Variants in CELF4 observed in about 807,000 individuals in gnomAD.
CELF4 encodes CUG-BP- and ETR-3-like factor 4.
A neutral mutation model predicts 59.9 loss-of-function variants in CELF4; 18 were observed. That is an observed-to-expected ratio of 0.30 (90% CI 0.21 to 0.45). The LOEUF is 0.45. Ranked by LOEUF, CELF4 falls within the 20% of genes least tolerant of loss-of-function variation. CELF4 has a pLI of 1.00. For missense variants in CELF4, 456 were observed against 689.0 expected (o/e 0.66, Z 3.79); for synonymous variants, 261 against 267.1 (o/e 0.98, Z 0.22).
At chr18:37,323,216 C>T (rs78533340) in intron 2 of CELF4, among the ~76,000 whole-genome samples, 6,649 of 151,882 alleles carry the variant, frequency 0.044, 497 homozygotes, top group African/African-American at 0.15. Context: ...AGGACGCAGC[C>T]GACAAGGAAG....
At chr18:37,287,468 G>A (rs914005553) in intron 3 of CELF4, among the ~76,000 whole-genome samples, 12 of 152,174 alleles carry the variant, frequency 7.9e-5, no homozygotes, top group African/African-American at 1.9e-4. Flanking sequence ...TTCGGGAGGC[G>A]GGGTGAGGGG....
At chr18:37,421,352 G>C (rs747561866) in intron 2 of CELF4, among the ~76,000 whole-genome samples, 74 of 152,306 alleles carry the variant, frequency 4.9e-4, no homozygotes, top group Non-Finnish European at 9.0e-4. Context: ...GGCTGGCCTG[G>C]CCACAGGGGC....
At chr18:37,456,250 C>T (rs9675529) in intron 2 of CELF4, among the ~76,000 whole-genome samples, 17,322 of 152,110 alleles carry the variant, frequency 0.11, 1,153 homozygotes, top group African/African-American at 0.18. Flanking sequence ...CTTGTTTCCA[C>T]CTCTGTGCCT....
chr18:37,274,883 C>T lies in CELF4; in HGVS notation c.579G>A (p.Gly193=). ...ILRGPDGNSK[G]CAFVKYSSHA... ...GGGAGGAGTACTTCACAAAGGCGCACCCTGCGAGGACGCGAGAGGCCGAGC... is the reference window on the plus strand; with the variant it reads ...GGGAGGAGTACTTCACAAAGGCGCATCCTGCGAGGACGCGAGAGGCCGAGC... Residue 193 remains glycine (G), a splice_region_variant and synonymous_variant, in exon 5 of 13, where the codon GGG becomes GGA. Coordinates refer to ENST00000420428, the MANE Select transcript of CELF4 (RefSeq NM_020180.4). 1 of 1,606,864 alleles carries T rather than the reference C, an allele frequency of 6.2e-7. No homozygotes were observed.
intron 11 of CELF4, among the ~76,000 whole-genome samples, chr18:37,256,369 C>A (rs1420477475): frequency 6.6e-6 from 1 of 152,144 alleles, no homozygotes; most frequent in Admixed American, 6.5e-5. Flanking sequence ...TTCACTTTAA[C>A]ATAGGGCCAC....
At chr18:37,278,032 T>G (rs1238146182) in intron 3 of CELF4, among the ~76,000 whole-genome samples, 1 of 152,244 alleles carries the variant, frequency 6.6e-6, no homozygotes, top group Non-Finnish European at 1.5e-5. Context: ...TCTGATTGCA[T>G]TAAAATTCAT....
intron 2 of CELF4, among the ~76,000 whole-genome samples, chr18:37,456,787 A>G (rs1473921750): frequency 2.6e-5 from 4 of 152,182 alleles, no homozygotes; most frequent in Admixed American, 2.6e-4. Flanking sequence ...TGCCCAGGTG[A>G]GAGGCAAAGA....
rs557617753 is a variant in CELF4, at chr18:37,438,577, T to A, written c.369+46948A>T. On this transcript the variant is annotated intron_variant, in intron 2 of 12. Coordinates refer to ENST00000420428, the MANE Select transcript of CELF4 (RefSeq NM_020180.4). The stretch of plus-strand genomic sequence containing the variant: ...CTGCATCCTAACTTTGGAATAGTGG[T>A]TCAGGGTCATGTTTACCCTGGTGCC... Among the ~76,000 whole-genome samples the A allele has an allele frequency of 2.6e-5, 4 of 152,250 alleles. No homozygotes were observed. In the South Asian group the frequency reaches 8.3e-4, roughly 32 times the overall value.
chr18:37,509,066 G>C (rs1456249707), intron 1 of CELF4, among the ~76,000 whole-genome samples: 6 of 152,154 alleles, frequency 3.9e-5, no homozygotes, highest in Admixed American at 3.3e-4. Context: ...CCCTCCCACA[G>C]ACAGGGCTCA....
intron 2 of CELF4, among the ~76,000 whole-genome samples, chr18:37,426,521 C>T (rs773048491): frequency 6.6e-5 from 10 of 152,208 alleles, no homozygotes; most frequent in Non-Finnish European, 1.3e-4. Flanking sequence ...CTGGAGGAAG[C>T]CACAAATGGC....
intron 2 of CELF4, among the ~76,000 whole-genome samples, chr18:37,327,752 C>G (rs977610261): frequency 6.6e-6 from 1 of 152,188 alleles, no homozygotes; most frequent in African/African-American, 2.4e-5. Flanking sequence ...ATCATGGGCC[C>G]TCCTCAGAGC....
intron 2 of CELF4, among the ~76,000 whole-genome samples, chr18:37,442,105 C>A (rs774259013): frequency 5.3e-5 from 8 of 152,028 alleles, no homozygotes; most frequent in Admixed American, 2.0e-4. Flanking sequence ...CTGGGCCTGG[C>A]CAGACTTGTG....
intron 2 of CELF4, among the ~76,000 whole-genome samples, chr18:37,397,910 T>C (rs544140722): frequency 6.6e-6 from 1 of 152,150 alleles, no homozygotes; most frequent in Non-Finnish European, 1.5e-5. Flanking sequence ...TCCTTGGATG[T>C]GCTTTGTTCC....
intron 2 of CELF4, among the ~76,000 whole-genome samples, chr18:37,352,738 G>A (rs2098467734): frequency 1.3e-5 from 2 of 152,182 alleles, no homozygotes; most frequent in African/African-American, 4.8e-5. Context: ...TTGGAAGCGG[G>A]GGATGAAAGC....
chr18:37,449,223 C>T (rs900269787), intron 2 of CELF4, among the ~76,000 whole-genome samples: 3 of 152,030 alleles, frequency 2.0e-5, no homozygotes, highest in African/African-American at 4.8e-5. Context: ...TGCTTTAGAA[C>T]GATTTGGGTC....
At chr18:37,414,996 T>C (rs2099515918) in intron 2 of CELF4, among the ~76,000 whole-genome samples, 1 of 152,222 alleles carries the variant, frequency 6.6e-6, no homozygotes, top group Admixed American at 6.5e-5. Context: ...CAACTTCCAT[T>C]CTTGAGATGC....
chr18:37,390,332 G>T (rs977105182), intron 2 of CELF4, among the ~76,000 whole-genome samples: 1 of 152,202 alleles, frequency 6.6e-6, no homozygotes, highest in African/African-American at 2.4e-5. Flanking sequence ...TGGGAGCCAC[G>T]TGTGGCAGCC....
At chr18:37,333,761 C>T (rs930430131) in intron 2 of CELF4, among the ~76,000 whole-genome samples, 3 of 143,646 alleles carry the variant, frequency 2.1e-5, no homozygotes, top group Non-Finnish European at 4.6e-5. Flanking sequence ...TCCATCCGTG[C>T]ATCCATCCAT....
intron 1 of CELF4, among the ~76,000 whole-genome samples, chr18:37,524,870 C>T (rs1026041231): frequency 1.3e-5 from 2 of 152,132 alleles, no homozygotes; most frequent in Admixed American, 1.3e-4. Context: ...GGGGCGCAGC[C>T]GGGCTGGGCT....
Sources: allele counts gnomAD v4.1 joint callset (sites outside exome capture counted in the v4.1 genomes callset), GRCh38; gene constraint gnomAD v4.1.1; transcripts MANE v1.5; gene names NCBI Gene and HGNC (gene_info 2026-07-23, HGNC 2026-07-21).